INPP4B: variants seen among roughly 807,000 people sequenced by gnomAD.
INPP4B encodes the protein inositol polyphosphate 4-phosphatase type II.
INPP4B carries 55 observed loss-of-function variants against 122.5 expected under a neutral mutation model. That is an observed-to-expected ratio of 0.45 (90% CI 0.36 to 0.56). INPP4B has a LOEUF of 0.56. Among genes scored for constraint, INPP4B ranks in the 20% least tolerant of loss-of-function variants. The probability of loss-of-function intolerance (pLI) is 0.00; values close to 1 mark genes in which losing one functional copy is unlikely to be tolerated. For missense variants in INPP4B, 1,000 were observed against 1,097.7 expected (o/e 0.91, Z 1.26); for synonymous variants, 403 against 388.7 (o/e 1.04, Z -0.43).
chr4:142,244,678 G>T (rs1726991873), intron 11 of INPP4B, among the ~76,000 whole-genome samples: 1 of 152,120 alleles, frequency 6.6e-6, no homozygotes, highest in African/African-American at 2.4e-5. Context: ...GAACAGTGCT[G>T]CAATAAACAT....
At chr4:142,722,591 TA>T in intron 2 of INPP4B, among the ~76,000 whole-genome samples, 1 of 152,338 alleles carries the variant, frequency 6.6e-6, no homozygotes, top group African/African-American at 2.4e-5. Flanking sequence ...GCCACATTCT[TA>T]AAAACTACCA....
At chr4:142,652,983 G>A (rs1306752358) in intron 2 of INPP4B, among the ~76,000 whole-genome samples, 1 of 152,144 alleles carries the variant, frequency 6.6e-6, no homozygotes, top group Non-Finnish European at 1.5e-5. Context: ...ATACTACAAG[G>A]CTACAGTAAC....
chr4:142,379,944 C>G (rs146346663), intron 7 of INPP4B, among the ~76,000 whole-genome samples: 1 of 152,168 alleles, frequency 6.6e-6, no homozygotes, highest in Non-Finnish European at 1.5e-5. Context: ...GTGCTGGAGG[C>G]CTAAGCCACT....
rs552838655 is a variant in INPP4B at position 142,052,064 on chromosome 4, T to TA, written c.2643-23151dup. On this transcript the variant is annotated intron_variant, in intron 25 of 25. Coordinates refer to ENST00000262992, the MANE Select transcript of INPP4B (RefSeq NM_001101669.3). ...TATAAAATGACACATTAGACTGAAATAAAATGTTCTGACTTCCTTAGAACC... is the reference window on the plus strand; with the variant it reads ...TATAAAATGACACATTAGACTGAAATAAAAATGTTCTGACTTCCTTAGAACC... Among the ~76,000 whole-genome samples, 8 of 152,122 alleles carry TA rather than the reference T, an allele frequency of 5.3e-5. No individual in the cohort carries two copies. The South Asian group carries it at 1.7e-3, about 32-fold the overall frequency.
At chr4:142,122,454 C>A (rs772665814) in intron 20 of INPP4B, among the ~76,000 whole-genome samples, 1 of 152,036 alleles carries the variant, frequency 6.6e-6, no homozygotes, top group African/African-American at 2.4e-5. Context: ...GTCAATCTAC[C>A]CTTTGAGGGA....
intron 1 of INPP4B, among the ~76,000 whole-genome samples, chr4:142,749,916 A>G (rs1769408994): frequency 6.6e-6 from 1 of 152,058 alleles, no homozygotes; most frequent in Non-Finnish European, 1.5e-5. Context: ...CCACACAATA[A>G]TAGATGAAAA....
chr4:142,587,406 T>A (rs1487353864), intron 2 of INPP4B, among the ~76,000 whole-genome samples: 12 of 152,038 alleles, frequency 7.9e-5, no homozygotes, highest in Non-Finnish European at 4.4e-5. Flanking sequence ...GGTTTTACTA[T>A]CTGAAAAGTC....
At chr4:142,106,677 C>T (rs1166281375) in intron 23 of INPP4B, among the ~76,000 whole-genome samples, 1 of 151,992 alleles carries the variant, frequency 6.6e-6, no homozygotes, top group East Asian at 1.9e-4. Context: ...GTAAGGATGG[C>T]ATATTATTAG....
chr4:142,616,919 GAC>G (rs1434100685), intron 2 of INPP4B, among the ~76,000 whole-genome samples: 1 of 152,002 alleles, frequency 6.6e-6, no homozygotes, highest in Non-Finnish European at 1.5e-5. Context: ...TGGAATAATA[GAC>G]ACTGGAGACT....
chr4:142,086,732 GT>G (rs1777009862), intron 23 of INPP4B, among the ~76,000 whole-genome samples: 1 of 152,008 alleles, frequency 6.6e-6, no homozygotes, highest in Non-Finnish European at 1.5e-5. Context: ...TAATTTACCT[GT>G]TTTTTTCTTT....
intron 3 of INPP4B, among the ~76,000 whole-genome samples, chr4:142,441,543 A>G (rs1359904194): frequency 6.6e-6 from 1 of 152,186 alleles, no homozygotes; most frequent in East Asian, 1.9e-4. Flanking sequence ...TATTAAGTCT[A>G]GAGAAGTATC....
intron 2 of INPP4B, among the ~76,000 whole-genome samples, chr4:142,640,127 G>A (rs370937676): frequency 5.9e-5 from 9 of 152,050 alleles, no homozygotes; most frequent in Non-Finnish European, 1.3e-4. Flanking sequence ...AAACTAGACC[G>A]AATGTCATAT....
rs574212080 is a variant in INPP4B at position 142,062,699 on chromosome 4, G to A, written c.2642+19332C>T. ...TGCAGTGAGCCAAGATGGCACCACTGCACTCCAGCCTGGATGACACAGCAA... is the reference window on the plus strand; with the variant it reads ...TGCAGTGAGCCAAGATGGCACCACTACACTCCAGCCTGGATGACACAGCAA... On this transcript the variant is annotated intron_variant, in intron 25 of 25. Transcript: ENST00000262992. Among the ~76,000 whole-genome samples, 81 of 152,166 alleles carry A rather than the reference G, an allele frequency of 5.3e-4. 1 individual carries two copies. The highest frequency in any genetic ancestry group is 1.9e-3 in the African/African-American group (78 of 41,512).
intron 25 of INPP4B, among the ~76,000 whole-genome samples, chr4:142,031,517 A>G (rs1401402808): frequency 6.6e-6 from 1 of 152,196 alleles, no homozygotes. Context: ...TTATATCCTC[A>G]TGGTTTGGTA....
intron 18 of INPP4B, among the ~76,000 whole-genome samples, chr4:142,141,250 C>T (rs1040868553): frequency 3.9e-5 from 6 of 152,140 alleles, no homozygotes; most frequent in African/African-American, 1.2e-4. Flanking sequence ...TTTTCTATAA[C>T]TGAAGATGTG....
At chr4:142,716,612 C>T (rs1009072263) in intron 2 of INPP4B, among the ~76,000 whole-genome samples, 7 of 152,196 alleles carry the variant, frequency 4.6e-5, no homozygotes, top group African/African-American at 1.7e-4. Flanking sequence ...CTGCTCAGGG[C>T]ACGTGCCCAA....
At chr4:142,207,363 T>A (rs1842991512) in intron 14 of INPP4B, among the ~76,000 whole-genome samples, 1 of 152,154 alleles carries the variant, frequency 6.6e-6, no homozygotes, top group Admixed American at 6.6e-5. Flanking sequence ...GGAACCTCCA[T>A]ATTTGTTTTT....
chr4:142,555,464 T>C (rs950915645), intron 2 of INPP4B, among the ~76,000 whole-genome samples: 2 of 152,206 alleles, frequency 1.3e-5, no homozygotes, highest in Non-Finnish European at 2.9e-5. Flanking sequence ...GTCTATCTCA[T>C]GTATTTATTA....
chr4:142,378,990 T>G (rs985796743), intron 7 of INPP4B, among the ~76,000 whole-genome samples: 1 of 152,282 alleles, frequency 6.6e-6, no homozygotes, highest in African/African-American at 2.4e-5. Flanking sequence ...GTGCGGGTTG[T>G]GGTGAGTTAG....
Sources: allele counts gnomAD v4.1 joint callset (sites outside exome capture counted in the v4.1 genomes callset), GRCh38; gene constraint gnomAD v4.1.1; transcripts MANE v1.5; gene names NCBI Gene and HGNC (gene_info 2026-07-23, HGNC 2026-07-21).